Variants in TENM2 observed in about 807,000 individuals in gnomAD.
The protein encoded by TENM2 is teneurin-2.
In TENM2, 52 loss-of-function variants were observed where a neutral mutation model predicts 245.2. The observed-to-expected ratio is 0.21, with a 90% CI of 0.17 to 0.27. The LOEUF (loss-of-function observed/expected upper bound fraction) is 0.27, where lower values mean the gene tolerates loss of function less well. TENM2 is among the 10% of genes least tolerant of loss of function. TENM2 has a pLI of 1.00. For missense variants in TENM2, 3,046 were observed against 3,666.8 expected (o/e 0.83, Z 4.37); for synonymous variants, 1,363 against 1,438.9 (o/e 0.95, Z 1.19).
At chr5:167,704,205 C>A (rs2150453456) in intron 2 of TENM2, among the ~76,000 whole-genome samples, 1 of 152,276 alleles carries the variant, frequency 6.6e-6, no homozygotes, top group Non-Finnish European at 1.5e-5. Flanking sequence ...GAGGATGCAT[C>A]TTCTCCACTT....
intron 6 of TENM2, among the ~76,000 whole-genome samples, chr5:168,058,703 A>G (rs1037246552): frequency 6.6e-6 from 1 of 152,184 alleles, no homozygotes; most frequent in Non-Finnish European, 1.5e-5. Context: ...TGTATATTGC[A>G]TGTGCCCACA....
intron 2 of TENM2, among the ~76,000 whole-genome samples, chr5:167,860,222 G>A (rs1308883562): frequency 8.5e-4 from 94 of 110,230 alleles, no homozygotes; most frequent in South Asian, 2.0e-3. Context: ...CAGCCGCCCC[G>A]TCCGGGAGGG....
intron 25 of TENM2, among the ~76,000 whole-genome samples, chr5:168,229,428 G>A (rs1195542750): frequency 2.0e-5 from 3 of 152,092 alleles, no homozygotes; most frequent in African/African-American, 7.2e-5. Flanking sequence ...CCTGGGGAGG[G>A]GGAATGTAAT....
At chr5:167,356,890 A>G (rs1317019471) in intron 1 of TENM2, among the ~76,000 whole-genome samples, 1 of 152,126 alleles carries the variant, frequency 6.6e-6, no homozygotes, top group African/African-American at 2.4e-5. Flanking sequence ...TATGAAAGCA[A>G]ATGTATTGCT....
At chr5:167,061,970 G>A in the TENM2 span, among the ~76,000 whole-genome samples, 1 of 151,796 alleles carries the variant, frequency 6.6e-6, no homozygotes, top group East Asian at 1.9e-4. Context: ...TAGAATCTGA[G>A]CTCACTTTCC....
At chr5:168,262,692 C>A in exon 29 of TENM2, 1 of 1,610,286 alleles carries the variant, frequency 6.2e-7, no homozygotes, top group Non-Finnish European at 8.5e-7. Flanking sequence ...CTTCTGAGCA[C>A]CGGGCGCGTG....
the TENM2 span, among the ~76,000 whole-genome samples, chr5:167,137,723 G>A: frequency 4.9e-4 from 75 of 152,184 alleles, no homozygotes; most frequent in African/African-American, 1.7e-3. Flanking sequence ...TGAGTAATAT[G>A]TATTTGTTTC....
chr5:167,217,610 G>A, the TENM2 span, among the ~76,000 whole-genome samples: 5 of 151,696 alleles, frequency 3.3e-5, no homozygotes, highest in East Asian at 7.7e-4. Flanking sequence ...GATTCCTAGC[G>A]CTGCAGTGTT....
At chr5:167,050,250 C>T in the TENM2 span, among the ~76,000 whole-genome samples, 2 of 152,146 alleles carry the variant, frequency 1.3e-5, no homozygotes, top group South Asian at 2.1e-4. Context: ...GCTCCACCTC[C>T]TGTCAGGTCA....
intron 2 of TENM2, among the ~76,000 whole-genome samples, chr5:167,807,076 C>T (rs1446148102): frequency 2.4e-5 from 3 of 124,604 alleles, no homozygotes; most frequent in African/African-American, 9.2e-5. Flanking sequence ...AAGCCCCCAT[C>T]ATAAATCATA....
the TENM2 span, among the ~76,000 whole-genome samples, chr5:167,018,026 T>G: frequency 2.6e-5 from 4 of 152,200 alleles, no homozygotes; most frequent in African/African-American, 9.6e-5. Context: ...AAAACCTCTG[T>G]GAAAAATAAC....
chr5:167,377,035 TTATAGA>T (rs1760791177), intron 2 of TENM2, among the ~76,000 whole-genome samples: 1 of 152,112 alleles, frequency 6.6e-6, no homozygotes, highest in South Asian at 2.1e-4. Flanking sequence ...TTATACATAT[TTATAGA>T]CCTGCACCTT....
At chr5:167,249,448 T>C in the TENM2 span, among the ~76,000 whole-genome samples, 1 of 152,140 alleles carries the variant, frequency 6.6e-6, no homozygotes, top group African/African-American at 2.4e-5. Flanking sequence ...CTTCTTTCCT[T>C]CCTTCTTTCC....
intron 4 of TENM2, among the ~76,000 whole-genome samples, chr5:167,960,574 A>G (rs1780933486): frequency 6.6e-6 from 1 of 151,932 alleles, no homozygotes; most frequent in Non-Finnish European, 1.5e-5. Context: ...TCCCAGGTCA[A>G]CTTCAGACTG....
intron 2 of TENM2, among the ~76,000 whole-genome samples, chr5:167,536,339 C>T (rs1309407577): frequency 6.6e-6 from 1 of 151,918 alleles, no homozygotes; most frequent in Non-Finnish European, 1.5e-5. Context: ...AAGTAAAATG[C>T]CTTGAAGGCA....
At chr5:167,147,541 G>T in the TENM2 span, among the ~76,000 whole-genome samples, 12 of 152,056 alleles carry the variant, frequency 7.9e-5, no homozygotes, top group African/African-American at 2.7e-4. Context: ...ATGTATATAG[G>T]TGGCCAAATA....
chr5:168,090,390 A>G (rs534398368), intron 7 of TENM2, among the ~76,000 whole-genome samples, 184 bp from the exon 10 acceptor site: 1 of 152,322 alleles, frequency 6.6e-6, no homozygotes, highest in South Asian at 2.1e-4. Context: ...ATAAAGCATA[A>G]TAAATAATGA....
intron 1 of TENM2, among the ~76,000 whole-genome samples, chr5:167,327,759 G>A (rs1367591257): frequency 6.6e-6 from 1 of 152,196 alleles, no homozygotes; most frequent in Non-Finnish European, 1.5e-5. Context: ...TAAAGACAGA[G>A]ACATGATGTT....
intron 7 of TENM2, among the ~76,000 whole-genome samples, chr5:168,085,905 C>T (rs1025430625): frequency 1.3e-5 from 2 of 152,222 alleles, no homozygotes; most frequent in South Asian, 2.1e-4. Flanking sequence ...CATCAGACAT[C>T]GTCAGGAGGC....
Sources: allele counts gnomAD v4.1 joint callset (sites outside exome capture counted in the v4.1 genomes callset), GRCh38; gene constraint gnomAD v4.1.1; transcripts MANE v1.5; gene names NCBI Gene and HGNC (gene_info 2026-07-23, HGNC 2026-07-21).